DAB2IP: variants seen among roughly 807,000 people sequenced by gnomAD.
The protein encoded by DAB2IP is DAB2 interacting protein.
A neutral mutation model predicts 107.2 loss-of-function variants in DAB2IP; 28 were observed. The ratio of observed to expected loss-of-function variants is 0.26; its 90% CI spans 0.19 to 0.36. The LOEUF is 0.36. Ranked by LOEUF, DAB2IP falls within the 10% of genes least tolerant of loss-of-function variation. The pLI is 1.00. For synonymous variants in DAB2IP, 755 were observed against 706.4 expected, an observed-to-expected ratio of 1.07 and a Z score of -1.09; for missense variants, 1,400 against 1,644.7, an observed-to-expected ratio of 0.85 and a Z score of 2.57.
intron 1 of DAB2IP, among the ~76,000 whole-genome samples, chr9:121,590,317 C>A (rs1830400359): frequency 6.6e-6 from 1 of 151,044 alleles, no homozygotes. Context: ...TCATACTATC[C>A]CTGCTCCAGG....
intron 3 of DAB2IP, among the ~76,000 whole-genome samples, chr9:121,750,276 GC>G (rs1833012655): frequency 6.6e-6 from 1 of 152,214 alleles, no homozygotes; most frequent in Non-Finnish European, 1.5e-5. Context: ...CTGTCCTCCT[GC>G]CCGCTCGCAG....
chr9:121,613,528 TTGA>T (rs901329442), intron 1 of DAB2IP, among the ~76,000 whole-genome samples: 1 of 152,098 alleles, frequency 6.6e-6, no homozygotes, highest in East Asian at 1.9e-4. Context: ...ATTGAGATAT[TTGA>T]TGATGATGAT....
intron 1 of DAB2IP, among the ~76,000 whole-genome samples, chr9:121,663,872 A>T (rs900129555): frequency 3.3e-5 from 5 of 152,176 alleles, no homozygotes; most frequent in Non-Finnish European, 7.3e-5. Flanking sequence ...TTCCTTTCCC[A>T]CATTGGGGCA....
chr9:121,771,211 T>C (rs1416651075), intron 11 of DAB2IP, among the ~76,000 whole-genome samples: 3 of 152,180 alleles, frequency 2.0e-5, no homozygotes, highest in Non-Finnish European at 2.9e-5. Context: ...CATAAAGTGA[T>C]GCTGAGACCC....
Position 121,571,161 on chromosome 9 carries a change from C to A in DAB2IP, c.40+3933C>A. On this transcript the variant is annotated intron_variant, in intron 1 of 16. Coordinates refer to the DAB2IP transcript ENST00000259371. ...AAGTCACCTCCTCAGAGAAGCCCTC[C>A]TTAAACCATGTTCCCCCAATGCATC... Among the ~76,000 whole-genome samples, 2 of 152,088 alleles carry A rather than the reference C, an allele frequency of 1.3e-5. 1 individual carries two copies. Among genetic ancestry groups the A allele is most frequent in the African/African-American group, 4.8e-5 (2 of 41,346 alleles).
intron 1 of DAB2IP, among the ~76,000 whole-genome samples, chr9:121,666,867 A>AACACACACACACACAC (rs59290421): frequency 7.8e-6 from 1 of 128,592 alleles, no homozygotes; most frequent in South Asian, 2.7e-4. Context: ...CCCCAGCCCC[A>AACACACACACACACAC]ACACACACAC....
chr9:121,759,341 C>T (rs900054795), intron 5 of DAB2IP, among the ~76,000 whole-genome samples: 5 of 152,290 alleles, frequency 3.3e-5, no homozygotes, highest in African/African-American at 1.2e-4. Context: ...ATGTCTGCCC[C>T]TCCTCCAGGT....
chr9:121,597,085 G>A (rs1463784747), intron 1 of DAB2IP, among the ~76,000 whole-genome samples: 3 of 152,106 alleles, frequency 2.0e-5, no homozygotes, highest in African/African-American at 7.2e-5. Context: ...TTAGCACATT[G>A]GTTTGTGGAA....
chr9:121,666,858 C>A (rs970198506), intron 1 of DAB2IP, among the ~76,000 whole-genome samples: 2 of 145,676 alleles, frequency 1.4e-5, no homozygotes, highest in Non-Finnish European at 3.0e-5. Context: ...ATCCCCTATC[C>A]CCAGCCCCAA....
intron 1 of DAB2IP, among the ~76,000 whole-genome samples, chr9:121,569,389 T>G (rs1438358987): frequency 6.6e-6 from 1 of 152,220 alleles, no homozygotes; most frequent in African/African-American, 2.4e-5. Flanking sequence ...AACCCTATAC[T>G]TGGAATCCAG....
intron 1 of DAB2IP, among the ~76,000 whole-genome samples, chr9:121,656,354 G>C (rs1431580799): frequency 6.6e-6 from 1 of 152,180 alleles, no homozygotes; most frequent in South Asian, 2.1e-4. Flanking sequence ...TGGGGCAACA[G>C]CTTGGACTTC....
upstream of DAB2IP, among the ~76,000 whole-genome samples, chr9:121,648,475 C>T (rs1832619349): frequency 6.6e-6 from 1 of 151,750 alleles, no homozygotes; most frequent in African/African-American, 2.4e-5. Flanking sequence ...CGCTTTTTGA[C>T]ACAGCTTGGT....
chr9:121,758,979 G>A (rs1346505463), exon 5 of DAB2IP: 1 of 1,612,850 alleles, frequency 6.2e-7, no homozygotes, highest in South Asian at 1.1e-5. Context: ...CCTCCGGCGA[G>A]CGGTGCATCC....
upstream of DAB2IP, among the ~76,000 whole-genome samples, chr9:121,647,458 C>T (rs529116143): frequency 5.2e-4 from 79 of 152,330 alleles, 5 homozygotes; most frequent in South Asian, 0.016. Context: ...CCCTCCCCTG[C>T]ATCTGGTGCC....
Position 121,633,180 on chromosome 9 carries a change from TG to T in DAB2IP, c.41-45495del, listed in dbSNP as rs1831957003. 6.6e-6 allele frequency among the ~76,000 whole-genome samples: 1 copy of T among 152,232 alleles called. No homozygotes were observed. The highest frequency in any genetic ancestry group is 2.4e-5 in the African/African-American group (1 of 41,450). ...ACTCCTGAAAAATTCATGAGCACGCTGGGAATAGAGACCTCATCGGGAAGGT... is the reference window on the plus strand; with the variant it reads ...ACTCCTGAAAAATTCATGAGCACGCTGGAATAGAGACCTCATCGGGAAGGT... On this transcript the variant is annotated intron_variant, in intron 1 of 16. Coordinates refer to the DAB2IP transcript ENST00000259371. This position sits in a 1 kb window ranked among gnomAD's most constrained non-coding sequence, Gnocchi z 5.1.
At position 121,699,264 on chromosome 9, in the gene DAB2IP, C is replaced by A; in HGVS notation, c.229-61C>A. 7.9e-7 allele frequency: 1 copy of A among 1,262,438 alleles called. No individual in the cohort carries two copies. 78.2% of individuals were successfully genotyped at this position (1,262,438 alleles called of 1,614,324 possible). On this transcript the variant is annotated intron_variant, in intron 2 of 15. Coordinates refer to ENST00000408936, the Ensembl canonical transcript of DAB2IP. This position sits in a 1 kb window ranked among gnomAD's most constrained non-coding sequence, Gnocchi z 6.2. The stretch of plus-strand genomic sequence containing the variant: ...AAGGGTGCGGGTCCCGCGCGGGTCC[C>A]GGCCCGCCGCCGCCGCGCTAACCCC...
chr9:121,601,858 C>T (rs1057214970), intron 1 of DAB2IP, among the ~76,000 whole-genome samples: 1 of 150,882 alleles, frequency 6.6e-6, no homozygotes, highest in African/African-American at 2.4e-5. Context: ...ACATGCTTCG[C>T]TTTTGATCCT....
chr9:121,719,459 G>A (rs2118810385), intron 3 of DAB2IP, among the ~76,000 whole-genome samples: 1 of 152,324 alleles, frequency 6.6e-6, no homozygotes, highest in South Asian at 2.1e-4. Context: ...GTGCTCAGAG[G>A]ATGAAAACCT....
Position 121,699,169 on chromosome 9 carries a change from G to A in DAB2IP, c.229-156G>A, listed in dbSNP as rs1295339203. On this transcript the variant is annotated intron_variant, in intron 2 of 15. Transcript: ENST00000408936. This position sits in a 1 kb window ranked among gnomAD's most constrained non-coding sequence, Gnocchi z 6.2. ...CCGTCGGCGCTCGGTCGGCGGGCGG[G>A]CGGCGCGGGCCGCGAGCTGCTGGGG... Among the ~76,000 whole-genome samples the A allele has an allele frequency of 6.9e-6, 1 of 145,376 alleles. No individual in the cohort carries two copies. Among genetic ancestry groups the A allele is most frequent in the Non-Finnish European group, 1.5e-5 (1 of 65,462 alleles).
Sources: gnomAD v4.1 joint callset for allele counts (sites outside exome capture counted in the v4.1 genomes callset) on GRCh38, gnomAD v4.1.1 for gene constraint, Gnocchi (gnomAD v3.1) non-coding constraint, MANE v1.5 for transcripts, NCBI Gene and HGNC (gene_info 2026-07-23, HGNC 2026-07-21) for gene names.